TNPO3: variants seen among roughly 807,000 people sequenced by gnomAD.
TNPO3 encodes the protein transportin-3.
TNPO3 carries 65 observed loss-of-function variants against 122.8 expected under a neutral mutation model. The ratio of observed to expected loss-of-function variants is 0.53; its 90% confidence interval spans 0.43 to 0.65. TNPO3 has a LOEUF of 0.65. Among genes scored for constraint, TNPO3 ranks in the 30% least tolerant of loss-of-function variants. TNPO3 has a pLI of 0.00. For missense variants in TNPO3, 850 were observed against 1,136.7 expected, an observed-to-expected ratio of 0.75 and a Z score of 3.63; for synonymous variants, 372 against 411.2, an observed-to-expected ratio of 0.90 and a Z score of 1.15.
chr7:129,020,071 G>A (rs1418274487), intron 1 of TNPO3, among the ~76,000 whole-genome samples: 1 of 152,056 alleles, frequency 6.6e-6, no homozygotes. Context: ...GGGATGCTGA[G>A]GCGAGAGGAT....
chr7:129,011,262 G>A (rs1316888479), intron 4 of TNPO3, among the ~76,000 whole-genome samples: 1 of 152,282 alleles, frequency 6.6e-6, no homozygotes, highest in Admixed American at 6.5e-5. Context: ...TTTAAACAAG[G>A]AACAGAATGT....
At chr7:128,996,513 G>T (rs1288028659) in intron 8 of TNPO3, among the ~76,000 whole-genome samples, 1 of 152,032 alleles carries the variant, frequency 6.6e-6, no homozygotes, top group East Asian at 1.9e-4. Flanking sequence ...GGAGGCTGAG[G>T]TGGGTGGATC....
At position 128,975,717 on chromosome 7, in the gene TNPO3, A is replaced by T. The variant is rs112970634; in HGVS notation, c.2178+102T>A. The T allele has an allele frequency of 1.0e-4, 75 of 751,994 alleles. 2 individuals carry two copies. The African/African-American group carries it at 1.2e-3, about 12-fold the overall frequency. 46.6% of individuals were successfully genotyped at this position (751,994 alleles called of 1,614,324 possible). ...TAGGAAATCAACATGCCTGGGGGAA[A>T]ACATAAAGAAGCAACAGAATTAAAG... On this transcript the variant is annotated intron_variant, in intron 17 of 22. Coordinates refer to ENST00000265388, the MANE Select transcript of TNPO3 (RefSeq NM_012470.4).
At chr7:129,007,159 A>G (rs896426799) in intron 4 of TNPO3, among the ~76,000 whole-genome samples, 32 of 152,192 alleles carry the variant, frequency 2.1e-4, no homozygotes, top group Admixed American at 6.5e-4. Flanking sequence ...CCACAATATG[A>G]AACAGATACT....
intron 19 of TNPO3, among the ~76,000 whole-genome samples, chr7:128,972,097 C>T (rs1036172205): frequency 2.6e-5 from 4 of 152,184 alleles, no homozygotes; most frequent in African/African-American, 9.7e-5. Flanking sequence ...CCAGCCTAGG[C>T]GACAGAGCAA....
chr7:129,043,655 T>C (rs1807675155), intron 1 of TNPO3, among the ~76,000 whole-genome samples: 1 of 152,146 alleles, frequency 6.6e-6, no homozygotes, highest in South Asian at 2.1e-4. Context: ...CTATCCAAAA[T>C]AATAATCCTC....
At chr7:128,956,834 T>G (rs1303174940) in intron 22 of TNPO3, among the ~76,000 whole-genome samples, 1 of 152,244 alleles carries the variant, frequency 6.6e-6, no homozygotes, top group African/African-American at 2.4e-5. Flanking sequence ...TTTAGGAGAC[T>G]GGCACCACAT....
intron 19 of TNPO3, 142 bp downstream of exon 19, chr7:128,972,284 C>G: frequency 1.1e-6 from 1 of 908,014 alleles, no homozygotes; most frequent in Non-Finnish European, 1.6e-6. Context: ...GATATTTTGG[C>G]TAGTGAATGA....
Position 128,974,899 on chromosome 7 carries a change from T to C in TNPO3, c.2242A>G (p.Thr748Ala). 6.2e-7 allele frequency: 1 copy of C among 1,614,136 alleles called. No homozygotes were observed. The highest frequency in any genetic ancestry group is 8.5e-7 in the Non-Finnish European group (1 of 1,180,032). ...QQNGLQNHPD[T>A]VDDLFRLATR... Reference sequence around the variant, plus strand: ...GCTAGCCGGAACAGGTCATCTACAGTGTCAGGGTGATTCTGGAGACCATTC... The same window carrying C: ...GCTAGCCGGAACAGGTCATCTACAGCGTCAGGGTGATTCTGGAGACCATTC... Residue 748 changes from threonine to alanine, a missense_variant, in exon 18 of 23, where the codon ACT (threonine) becomes GCT (alanine). Thr to Ala is a moderately conservative substitution (Grantham distance 58). Coordinates refer to ENST00000265388, the MANE Select transcript of TNPO3 (RefSeq NM_012470.4).
At chr7:129,019,399 A>C (rs1804210568) in intron 1 of TNPO3, among the ~76,000 whole-genome samples, 1 of 152,222 alleles carries the variant, frequency 6.6e-6, no homozygotes, top group Admixed American at 6.5e-5. Context: ...CTTCACAAGT[A>C]ATACATAATC....
At chr7:128,971,364 T>G (rs1408020499) in intron 19 of TNPO3, among the ~76,000 whole-genome samples, 1 of 152,208 alleles carries the variant, frequency 6.6e-6, no homozygotes, top group Non-Finnish European at 1.5e-5. Flanking sequence ...CAGGCTGGTC[T>G]TGAACTCCTG....
intron 7 of TNPO3, 63 bp from the exon 8 acceptor site, chr7:128,997,598 T>C: frequency 2.2e-6 from 3 of 1,388,136 alleles, no homozygotes; most frequent in South Asian, 2.4e-5. Flanking sequence ...AGACATTTTA[T>C]TATCACCACG....
chr7:129,010,234 G>A (rs1305356635), intron 4 of TNPO3, among the ~76,000 whole-genome samples: 2 of 152,116 alleles, frequency 1.3e-5, no homozygotes, highest in Non-Finnish European at 2.9e-5. Context: ...TGGCACAATC[G>A]TGGCTCACTG....
At position 128,986,916 on chromosome 7, in the gene TNPO3, A is replaced by G. The variant is rs748758528; in HGVS notation, c.1503T>C (p.Pro501=). Residue 501 remains proline, a synonymous_variant, in exon 12 of 23, where the codon CCT becomes CCC. Coordinates refer to ENST00000265388, the MANE Select transcript of TNPO3 (RefSeq NM_012470.4). The part of the protein sequence containing the change: ...VVDRNPQFLD[P]VLGYLMKGLC... ...GGCCTTTCATCAAATAGCCCAACAC[A>G]GGGTCTAAGAAGAAAAGCCAAGCAG... 2.4e-5 allele frequency: 39 copies of G among 1,603,572 alleles called. No individual in the cohort carries two copies. The highest frequency in any genetic ancestry group is 3.1e-5 in the Non-Finnish European group (37 of 1,176,682).
At chr7:128,976,163 C>T (rs1799037836) in intron 16 of TNPO3, among the ~76,000 whole-genome samples, 2 of 152,180 alleles carry the variant, frequency 1.3e-5, no homozygotes, top group African/African-American at 2.4e-5. Flanking sequence ...CAAGACAATG[C>T]TGTATAAGAG....
At position 129,054,893 on chromosome 7, in the gene TNPO3, T is replaced by G. The variant is rs1190043759; in HGVS notation, c.-123A>C. 3 of 1,357,524 alleles carry G rather than the reference T, an allele frequency of 2.2e-6. No homozygotes were observed. Among genetic ancestry groups the G allele is most frequent in the Non-Finnish European group, 3.0e-6 (3 of 984,100 alleles). The allele number at this position is 1,357,524 out of a possible 1,614,324, so 84.1% of individuals were successfully genotyped here. A position where few individuals can be genotyped will look rare whatever the true frequency, so the allele number is the denominator to read the frequency against. Reference sequence around the variant, plus strand: ...CCGCTCCCTGACTGGCGCCATCTCCTCCTCTTTGGCCGTTACCAGGGCAGA... The same window carrying G: ...CCGCTCCCTGACTGGCGCCATCTCCGCCTCTTTGGCCGTTACCAGGGCAGA... On this transcript the variant is annotated 5_prime_UTR_variant, in exon 1 of 23. Coordinates refer to ENST00000265388, the MANE Select transcript of TNPO3 (RefSeq NM_012470.4).
chr7:129,055,042 C>G lies in TNPO3; in HGVS notation c.-272G>C. 1 of 429,826 alleles carries G rather than the reference C, an allele frequency of 2.3e-6. No homozygotes were observed. Among genetic ancestry groups the G allele is most frequent in the Non-Finnish European group, 4.3e-6 (1 of 231,072 alleles). The allele number at this position is 429,826 out of a possible 1,614,324, so 26.6% of individuals were successfully genotyped here. A position where few individuals can be genotyped will look rare whatever the true frequency, so the allele number is the denominator to read the frequency against. ...AGTCCACAGATTCTGGCGCTCCCGT[C>G]TTCAGTCGCTGACTTGCCCTCAGAA... On this transcript the variant is annotated 5_prime_UTR_variant, in exon 1 of 23. Transcript: ENST00000265388.
chr7:129,000,511 AT>A lies in TNPO3; in HGVS notation c.928del (p.Ile310LeufsTer29). The A allele has an allele frequency of 6.2e-7, 1 of 1,614,034 alleles. No homozygotes were observed. Among genetic ancestry groups the A allele is most frequent in the Non-Finnish European group, 8.5e-7 (1 of 1,179,974 alleles). The part of the protein sequence containing the change: ...TELCETFLEK[I>X]VCTPGQGLGD... The stretch of plus-strand genomic sequence containing the variant: ...AAGACCTTGGCCTGGAGTACAAACA[AT>A]TTTTTCAAGAAAAGTTTCACATAGT... On this transcript the variant is annotated frameshift_variant, in exon 7 of 23. Coordinates refer to ENST00000265388, the MANE Select transcript of TNPO3 (RefSeq NM_012470.4). LOFTEE classifies it high-confidence loss of function.
At chr7:129,035,953 T>TTC (rs199778244) in intron 1 of TNPO3, among the ~76,000 whole-genome samples, 1,422 of 123,114 alleles carry the variant, frequency 0.012, 4 homozygotes, top group Non-Finnish European at 0.016. Flanking sequence ...TTCTTTTCTT[T>TTC]TTTTTTTTTT....
Sources: gnomAD v4.1 joint callset for allele counts (sites outside exome capture counted in the v4.1 genomes callset) on GRCh38, gnomAD v4.1.1 for gene constraint, MANE v1.5 for transcripts, NCBI Gene and HGNC (gene_info 2026-07-23, HGNC 2026-07-21) for gene names.